SGCD: variants seen among roughly 807,000 people sequenced by gnomAD.
The protein encoded by SGCD is delta-sarcoglycan.
Under a neutral mutation model 36.6 loss-of-function variants are expected in SGCD, and 18 were observed. The observed-to-expected ratio is 0.49, with a 90% CI of 0.34 to 0.73. The LOEUF (loss-of-function observed/expected upper bound fraction) is 0.73. Among genes scored for constraint, SGCD ranks in the 30% least tolerant of loss-of-function variants. SGCD has a pLI of 0.01. For missense variants in SGCD, 387 were observed against 346.7 expected, an observed-to-expected ratio of 1.12 and a Z score of -0.92; for synonymous variants, 133 against 130.6, an observed-to-expected ratio of 1.02 and a Z score of -0.12.
chr5:156,089,228 A>C (rs1188713219), intron 1 of SGCD, among the ~76,000 whole-genome samples: 3 of 152,338 alleles, frequency 2.0e-5, no homozygotes, highest in Non-Finnish European at 2.9e-5. Flanking sequence ...GGCTCAATAC[A>C]AGCCCACTTC....
intron 1 of SGCD, among the ~76,000 whole-genome samples, chr5:156,329,308 ACT>A (rs1767959090): frequency 6.6e-6 from 1 of 152,218 alleles, no homozygotes; most frequent in South Asian, 2.1e-4. Flanking sequence ...GCCACCAGGC[ACT>A]GATTTGTTGG....
At chr5:155,750,197 T>C in the SGCD span, among the ~76,000 whole-genome samples, 2 of 152,210 alleles carry the variant, frequency 1.3e-5, no homozygotes, top group Non-Finnish European at 2.9e-5. Flanking sequence ...ATCTGGGCAC[T>C]TGTAACAATT....
At chr5:156,385,263 C>A (rs1391017427) in intron 3 of SGCD, among the ~76,000 whole-genome samples, 1 of 152,164 alleles carries the variant, frequency 6.6e-6, no homozygotes, top group African/African-American at 2.4e-5. Context: ...GTAACTGGGC[C>A]ACCCCCTAAA....
At chr5:156,090,909 T>A (rs1347715758) in intron 1 of SGCD, among the ~76,000 whole-genome samples, 1 of 152,218 alleles carries the variant, frequency 6.6e-6, no homozygotes, top group Non-Finnish European at 1.5e-5. Flanking sequence ...ATGGCTGTAT[T>A]CTTCCCGACC....
At chr5:156,733,559 C>G (rs1378534797) in intron 7 of SGCD, among the ~76,000 whole-genome samples, 1 of 151,884 alleles carries the variant, frequency 6.6e-6, no homozygotes, top group Non-Finnish European at 1.5e-5. Context: ...GAGTTCATGT[C>G]TTGAATATCT....
chr5:156,493,012 C>T (rs542600469), intron 3 of SGCD, among the ~76,000 whole-genome samples: 29 of 152,130 alleles, frequency 1.9e-4, no homozygotes, highest in African/African-American at 5.3e-4. Flanking sequence ...TGAACAGTGC[C>T]GCAATAAATA....
chr5:156,160,094 C>T (rs1459644750), intron 3 of SGCD, among the ~76,000 whole-genome samples: 3 of 151,542 alleles, frequency 2.0e-5, no homozygotes, highest in Admixed American at 6.6e-5. Flanking sequence ...AAACAGTTTA[C>T]ACATATTTTC....
chr5:156,665,008 G>A (rs1275986759), intron 7 of SGCD, among the ~76,000 whole-genome samples: 1 of 150,208 alleles, frequency 6.7e-6, no homozygotes, highest in Non-Finnish European at 1.5e-5. Context: ...TCTACTAGGT[G>A]GTGCCATAGG....
At chr5:155,786,163 C>T in the SGCD span, among the ~76,000 whole-genome samples, 1 of 152,162 alleles carries the variant, frequency 6.6e-6, no homozygotes, top group Non-Finnish European at 1.5e-5. Flanking sequence ...CTCCTTTTTG[C>T]CAGAGCTCAT....
intron 1 of SGCD, among the ~76,000 whole-genome samples, chr5:155,871,864 A>G (rs1755663353): frequency 6.6e-6 from 1 of 152,236 alleles, no homozygotes; most frequent in Non-Finnish European, 1.5e-5. Context: ...TCCAAGGCTT[A>G]AACACAGAAG....
chr5:156,075,928 C>G (rs1326427844), intron 1 of SGCD, among the ~76,000 whole-genome samples: 1 of 152,154 alleles, frequency 6.6e-6, no homozygotes, highest in Non-Finnish European at 1.5e-5. Context: ...CTGTTTTAGG[C>G]TTTGGGGCTT....
At chr5:156,285,697 G>A (rs970787093) in intron 3 of SGCD, among the ~76,000 whole-genome samples, 6 of 152,070 alleles carry the variant, frequency 3.9e-5, no homozygotes, top group Non-Finnish European at 8.8e-5. Context: ...AGACTTAAAC[G>A]TTGGACCTAA....
chr5:156,466,289 A>G (rs936711681), intron 3 of SGCD, among the ~76,000 whole-genome samples: 28 of 152,108 alleles, frequency 1.8e-4, no homozygotes, highest in African/African-American at 6.0e-4. Flanking sequence ...TTCTACAAAG[A>G]CTCTAGAGAG....
intron 4 of SGCD, among the ~76,000 whole-genome samples, chr5:156,570,432 AT>A (rs1759672766): frequency 6.6e-6 from 1 of 152,218 alleles, no homozygotes; most frequent in Non-Finnish European, 1.5e-5. Context: ...TTAAAATTTA[AT>A]GCTAGCATTT....
At chr5:156,237,950 G>T (rs1389201256) in intron 3 of SGCD, among the ~76,000 whole-genome samples, 1 of 150,594 alleles carries the variant, frequency 6.6e-6, no homozygotes, top group East Asian at 2.0e-4. Flanking sequence ...TGGATAAGAT[G>T]ATTTTTTTTT....
chr5:156,457,749 C>G (rs1754321660), intron 3 of SGCD, among the ~76,000 whole-genome samples: 1 of 152,200 alleles, frequency 6.6e-6, no homozygotes. Context: ...CTCTCATGCC[C>G]TACTTCACAG....
intron 1 of SGCD, among the ~76,000 whole-genome samples, chr5:155,977,769 G>A (rs73810381): frequency 0.045 from 6,879 of 152,204 alleles, 548 homozygotes; most frequent in African/African-American, 0.16. Context: ...AGGTCATGGT[G>A]GATATTTTCA....
chr5:156,484,648 T>C (rs1755579419), intron 3 of SGCD, among the ~76,000 whole-genome samples: 1 of 152,242 alleles, frequency 6.6e-6, no homozygotes, highest in Admixed American at 6.5e-5. Context: ...TTTGTATTCC[T>C]GTACCTGGTC....
At chr5:155,744,485 A>C in the SGCD span, among the ~76,000 whole-genome samples, 4 of 152,084 alleles carry the variant, frequency 2.6e-5, no homozygotes, top group East Asian at 7.7e-4. Flanking sequence ...AAATAAAATA[A>C]ATGAACATTT....
Sources: allele counts gnomAD v4.1 joint callset (sites outside exome capture counted in the v4.1 genomes callset), GRCh38; gene constraint gnomAD v4.1.1; transcripts MANE v1.5; gene names NCBI Gene and HGNC (gene_info 2026-07-23, HGNC 2026-07-21).